Variants in IL1RAPL1 observed in about 807,000 individuals in gnomAD.
The protein encoded by IL1RAPL1 is interleukin 1 receptor accessory protein like 1.
IL1RAPL1 carries 3 observed loss-of-function variants against 48.4 expected under a neutral mutation model. The observed-to-expected ratio is 0.06, with a 90% CI of 0.03 to 0.16. The LOEUF (loss-of-function observed/expected upper bound fraction) is 0.16, where lower values mean the gene tolerates loss of function less well. Among genes scored for constraint, IL1RAPL1 ranks in the 10% least tolerant of loss-of-function variants. IL1RAPL1 has a pLI of 1.00. For synonymous variants in IL1RAPL1, 185 were observed against 187.7 expected, an observed-to-expected ratio of 0.99 and a Z score of 0.12; for missense variants, 349 against 530.6, an observed-to-expected ratio of 0.66 and a Z score of 3.36.
chrX:29,552,802 C>CTTTTTTTTTT (rs765234944), intron 5 of IL1RAPL1, among the ~76,000 whole-genome samples: 20 of 23,010 alleles, frequency 8.7e-4, no homozygotes, highest in African/African-American at 1.2e-3. Context: ...TTTCACTCTC[C>CTTTTTTTTTT]TTTTTTTTTT....
intron 2 of IL1RAPL1, among the ~76,000 whole-genome samples, chrX:29,273,530 C>T (rs1932074448): frequency 8.9e-6 from 1 of 111,798 alleles, no homozygotes; most frequent in Non-Finnish European, 1.9e-5. Flanking sequence ...GTTCTTGGTC[C>T]ACTGGCCACA....
At chrX:29,375,413 G>C (rs1251876735) in intron 3 of IL1RAPL1, among the ~76,000 whole-genome samples, 4 of 111,276 alleles carry the variant, frequency 3.6e-5, no homozygotes, top group Non-Finnish European at 7.5e-5. Flanking sequence ...TGATCTGCCT[G>C]CCTTGGCCTC....
At chrX:29,832,705 G>GTTTTTTTTT (rs67136004) in intron 6 of IL1RAPL1, among the ~76,000 whole-genome samples, 1 of 85,042 alleles carries the variant, frequency 1.2e-5, no homozygotes, top group African/African-American at 4.2e-5. Flanking sequence ...TTTTGTTTTT[G>GTTTTTTTTT]TTTTTTTTTT....
chrX:29,481,720 A>G (rs1052650544), intron 5 of IL1RAPL1, among the ~76,000 whole-genome samples: 1 of 112,113 alleles, frequency 8.9e-6, no homozygotes, highest in Non-Finnish European at 1.9e-5. Context: ...ACTAACCACC[A>G]CTTAAGAAGT....
At chrX:29,758,163 C>T (rs1485836639) in intron 6 of IL1RAPL1, among the ~76,000 whole-genome samples, 1 of 111,918 alleles carries the variant, frequency 8.9e-6, no homozygotes, top group African/African-American at 3.2e-5. Flanking sequence ...TTTAATCTAC[C>T]ATTGTTTAAT....
intron 5 of IL1RAPL1, among the ~76,000 whole-genome samples, chrX:29,405,595 T>C (rs1602219032): frequency 9.5e-6 from 1 of 105,727 alleles, no homozygotes; most frequent in African/African-American, 3.8e-5. Context: ...CTCGATCTCC[T>C]GACCTCGTGA....
chrX:29,802,930 T>C (rs1331182654), intron 6 of IL1RAPL1, among the ~76,000 whole-genome samples: 6 of 92,500 alleles, frequency 6.5e-5, no homozygotes, highest in South Asian at 4.6e-4. Flanking sequence ...TATATACATA[T>C]ATGTGTACAT....
intron 6 of IL1RAPL1, among the ~76,000 whole-genome samples, chrX:29,834,230 AT>A (rs1262290894): frequency 8.9e-6 from 1 of 112,130 alleles, no homozygotes; most frequent in Non-Finnish European, 1.9e-5. Context: ...TTAACAATGC[AT>A]TCTTATTTTT....
At chrX:29,049,851 G>A (rs957467430) in intron 2 of IL1RAPL1, among the ~76,000 whole-genome samples, 3 of 112,117 alleles carry the variant, frequency 2.7e-5, no homozygotes, top group Non-Finnish European at 5.6e-5. Flanking sequence ...CAATGTTAAC[G>A]TATTATACAA....
chrX:29,574,328 G>T (rs1375992418), intron 5 of IL1RAPL1: 6 of 108,260 alleles, frequency 5.5e-5, no homozygotes, highest in Non-Finnish European at 1.2e-4. Context: ...CTCCAATACT[G>T]GGAATTACAA....
At chrX:29,457,725 G>T (rs1934755687) in intron 5 of IL1RAPL1, among the ~76,000 whole-genome samples, 1 of 111,939 alleles carries the variant, frequency 8.9e-6, no homozygotes, top group African/African-American at 3.2e-5. Context: ...TATATATTTA[G>T]TAATGGGATT....
At chrX:29,274,618 G>A (rs1057499410) in intron 2 of IL1RAPL1, among the ~76,000 whole-genome samples, 1 of 112,168 alleles carries the variant, frequency 8.9e-6, no homozygotes, top group Non-Finnish European at 1.9e-5. Context: ...ATGTCCAGCA[G>A]AGCTCACAAT....
chrX:29,729,867 G>GA (rs1927872566), intron 6 of IL1RAPL1, among the ~76,000 whole-genome samples: 1 of 111,224 alleles, frequency 9.0e-6, no homozygotes, highest in South Asian at 3.8e-4. Context: ...ACGGAAAGTG[G>GA]AAAAAAATAG....
At chrX:28,861,861 A>G (rs1174573643) in intron 2 of IL1RAPL1, among the ~76,000 whole-genome samples, 1 of 109,578 alleles carries the variant, frequency 9.1e-6, no homozygotes, top group Non-Finnish European at 1.9e-5. Flanking sequence ...TATTTATTTA[A>G]TTTTCTATTT....
chrX:28,848,585 T>C (rs1921573993), intron 2 of IL1RAPL1, among the ~76,000 whole-genome samples: 1 of 111,364 alleles, frequency 9.0e-6, no homozygotes, highest in Non-Finnish European at 1.9e-5. Flanking sequence ...AAGAAATCTG[T>C]CACTAGCCAA....
chrX:29,095,350 A>G (rs1230107339), intron 2 of IL1RAPL1, among the ~76,000 whole-genome samples: 1 of 111,261 alleles, frequency 9.0e-6, no homozygotes, highest in Non-Finnish European at 1.9e-5. Flanking sequence ...CTCTGTCTTA[A>G]TAGTTTTACA....
chrX:29,144,241 A>G (rs939502984), intron 2 of IL1RAPL1, among the ~76,000 whole-genome samples: 2 of 111,204 alleles, frequency 1.8e-5, no homozygotes, highest in Non-Finnish European at 3.8e-5. Context: ...CAAATAAAAA[A>G]TAGCAAAAAA....
intron 2 of IL1RAPL1, among the ~76,000 whole-genome samples, chrX:28,925,365 CG>C (rs1283849189): frequency 9.0e-6 from 1 of 111,435 alleles, no homozygotes; most frequent in Admixed American, 9.6e-5. Flanking sequence ...TACTACCTGC[CG>C]GATTCATCTT....
intron 6 of IL1RAPL1, among the ~76,000 whole-genome samples, chrX:29,705,388 T>C (rs936754914): frequency 4.5e-5 from 5 of 111,429 alleles, no homozygotes; most frequent in African/African-American, 1.6e-4. Context: ...CTAATTTTTG[T>C]ATTTTTAGTA....
Sources: gnomAD v4.1 joint callset for allele counts (sites outside exome capture counted in the v4.1 genomes callset) on GRCh38, gnomAD v4.1.1 for gene constraint, MANE v1.5 for transcripts, NCBI Gene and HGNC (gene_info 2026-07-23, HGNC 2026-07-21) for gene names.